NEK11: variants seen among roughly 807,000 people sequenced by gnomAD.
The protein encoded by NEK11 is serine/threonine-protein kinase Nek11.
NEK11 carries 72 observed loss-of-function variants against 80.7 expected under a neutral mutation model. The ratio of observed to expected loss-of-function variants is 0.89; its 90% confidence interval spans 0.74 to 1.08. The LOEUF (loss-of-function observed/expected upper bound fraction) is 1.08, where lower values mean the gene tolerates loss of function less well. NEK11 is among the 50% of genes least tolerant of loss of function. NEK11 has a pLI of 0.00. For missense variants in NEK11, 764 were observed against 763.6 expected, an observed-to-expected ratio of 1.00 and a Z score of -0.01; for synonymous variants, 251 against 260.7, an observed-to-expected ratio of 0.96 and a Z score of 0.36.
chr3:131,036,807 A>G (rs2065721915), intron 3 of NEK11, among the ~76,000 whole-genome samples: 1 of 152,194 alleles, frequency 6.6e-6, no homozygotes, highest in Admixed American at 6.5e-5. Context: ...CTGTTACTAC[A>G]TCTTAGAGGA....
chr3:131,195,939 G>A lies in NEK11; in HGVS notation c.1399+25052G>A, dbSNP rs149494050. On this transcript the variant is annotated intron_variant, in intron 14 of 17. Transcript: ENST00000383366. ...GTACAGTTAGTTATTTGTAAAATGC[G>A]TCCGATAAATACTTGCTTAATGAAT... Among the ~76,000 whole-genome samples the A allele has an allele frequency of 6.6e-5, 10 of 150,886 alleles. No individual in the cohort carries two copies. In the East Asian group the frequency reaches 1.4e-3, roughly 20 times the overall value.
intron 3 of NEK11, among the ~76,000 whole-genome samples, chr3:131,034,643 T>C (rs960334230): frequency 2.0e-5 from 3 of 152,188 alleles, no homozygotes. Context: ...TGCCTGGGCC[T>C]CCCAAAGTGC....
At chr3:131,276,111 T>C (rs1399720809) in intron 17 of NEK11, among the ~76,000 whole-genome samples, 2 of 152,130 alleles carry the variant, frequency 1.3e-5, no homozygotes, top group Non-Finnish European at 2.9e-5. Flanking sequence ...GGTCAGCAGA[T>C]TTGGTGTCTG....
intron 4 of NEK11, among the ~76,000 whole-genome samples, chr3:131,084,084 G>T (rs1460588466): frequency 2.6e-5 from 4 of 152,026 alleles, no homozygotes; most frequent in Non-Finnish European, 2.9e-5. Flanking sequence ...AATAAACAAG[G>T]TTCCTTTCCC....
chr3:131,046,075 T>G (rs897859007), intron 3 of NEK11, among the ~76,000 whole-genome samples: 4 of 152,224 alleles, frequency 2.6e-5, no homozygotes, highest in African/African-American at 9.6e-5. Flanking sequence ...ATTCTGTGTC[T>G]TTTAAGTGGA....
chr3:131,032,575 G>C (rs1247446791), intron 3 of NEK11, among the ~76,000 whole-genome samples: 1 of 152,172 alleles, frequency 6.6e-6, no homozygotes, highest in Non-Finnish European at 1.5e-5. Context: ...CAAAATTCTA[G>C]AATGCTGTAA....
chr3:131,075,703 G>C (rs2074236164), intron 3 of NEK11, among the ~76,000 whole-genome samples: 1 of 152,188 alleles, frequency 6.6e-6, no homozygotes, highest in Non-Finnish European at 1.5e-5. Context: ...AAATGAGCCA[G>C]ACCTTTGGAG....
chr3:131,276,659 T>C (rs1263357799), intron 17 of NEK11, among the ~76,000 whole-genome samples: 3 of 152,052 alleles, frequency 2.0e-5, no homozygotes, highest in African/African-American at 7.2e-5. Context: ...TACTGATCCG[T>C]TTGAGAATAG....
intron 4 of NEK11, among the ~76,000 whole-genome samples, chr3:131,082,552 T>C (rs2075422744): frequency 6.6e-6 from 1 of 152,234 alleles, no homozygotes; most frequent in Admixed American, 6.5e-5. Context: ...GCACTTGCTG[T>C]GCGGATAGTG....
intron 17 of NEK11, among the ~76,000 whole-genome samples, 173 bp downstream of exon 17, chr3:131,273,747 G>C (rs2096243375): frequency 6.6e-6 from 1 of 152,088 alleles, no homozygotes; most frequent in Non-Finnish European, 1.5e-5. Flanking sequence ...TTTCTGTATT[G>C]GTGCTGGTCG....
chr3:131,310,385 T>A (rs1399177945), intron 17 of NEK11, among the ~76,000 whole-genome samples: 1 of 152,200 alleles, frequency 6.6e-6, no homozygotes, highest in Non-Finnish European at 1.5e-5. Flanking sequence ...AGTGAGGAAC[T>A]GGGTTTTAAT....
At chr3:131,194,037 C>T (rs763209934) in intron 14 of NEK11, among the ~76,000 whole-genome samples, 3 of 152,180 alleles carry the variant, frequency 2.0e-5, no homozygotes, top group Non-Finnish European at 4.4e-5. Context: ...GCAGGTTTAT[C>T]GTCATGGAAA....
At chr3:131,143,106 A>G (rs1157507267) in intron 7 of NEK11, among the ~76,000 whole-genome samples, 2 of 152,198 alleles carry the variant, frequency 1.3e-5, no homozygotes, top group Non-Finnish European at 2.9e-5. Context: ...TCAAAAGCCA[A>G]ATGTGGCTGG....
At chr3:131,237,779 C>T (rs753998123) in intron 15 of NEK11, among the ~76,000 whole-genome samples, 57 of 152,180 alleles carry the variant, frequency 3.7e-4, no homozygotes, top group Admixed American at 2.9e-3. Context: ...GAGCCAACCT[C>T]GACTGACATC....
intron 17 of NEK11, among the ~76,000 whole-genome samples, chr3:131,314,761 G>A (rs1312457196): frequency 6.6e-6 from 1 of 152,192 alleles, no homozygotes; most frequent in Non-Finnish European, 1.5e-5. Context: ...AGCATCATAG[G>A]TGGAAAACAG....
intron 17 of NEK11, among the ~76,000 whole-genome samples, chr3:131,293,436 A>AG (rs2096564009): frequency 6.6e-6 from 1 of 152,134 alleles, no homozygotes; most frequent in Non-Finnish European, 1.5e-5. Context: ...GAGGGGATAA[A>AG]TCCCACTTGG....
At chr3:131,129,282 C>A (rs372010619) in intron 5 of NEK11, among the ~76,000 whole-genome samples, 3 of 152,088 alleles carry the variant, frequency 2.0e-5, no homozygotes, top group African/African-American at 7.2e-5. Context: ...TCTCGATCTC[C>A]TGACCTTGTG....
intron 4 of NEK11, among the ~76,000 whole-genome samples, chr3:131,094,644 T>C (rs1047036433): frequency 2.0e-5 from 3 of 152,194 alleles, no homozygotes; most frequent in African/African-American, 4.8e-5. Flanking sequence ...GATAACCTTT[T>C]AGCTACTGTT....
intron 3 of NEK11, among the ~76,000 whole-genome samples, chr3:131,040,270 T>C (rs935056821): frequency 6.6e-6 from 1 of 151,838 alleles, no homozygotes; most frequent in Non-Finnish European, 1.5e-5. Context: ...ATTAGTACAG[T>C]AGTGCTGTAT....
Sources: allele counts gnomAD v4.1 joint callset (sites outside exome capture counted in the v4.1 genomes callset), GRCh38; gene constraint gnomAD v4.1.1; transcripts MANE v1.5; gene names NCBI Gene and HGNC (gene_info 2026-07-23, HGNC 2026-07-21).